Variants in NALF1 observed in about 807,000 individuals in gnomAD.
NALF1 encodes NALCN channel auxiliary factor 1.
Under a neutral mutation model 48.4 loss-of-function variants are expected in NALF1, and 3 were observed. The observed-to-expected ratio is 0.06, with a 90% CI of 0.03 to 0.16. The LOEUF (loss-of-function observed/expected upper bound fraction) is 0.16, where lower values mean the gene tolerates loss of function less well. NALF1 is among the 10% of genes least tolerant of loss of function. The pLI is 1.00. For missense variants in NALF1, 526 were observed against 571.5 expected, an observed-to-expected ratio of 0.92 and a Z score of 0.81; for synonymous variants, 262 against 245.7, an observed-to-expected ratio of 1.07 and a Z score of -0.62.
At chr13:107,517,019 T>C (rs1876075534) in intron 1 of NALF1, among the ~76,000 whole-genome samples, 1 of 152,196 alleles carries the variant, frequency 6.6e-6, no homozygotes, top group Non-Finnish European at 1.5e-5. Context: ...GGAAATGCAT[T>C]CATTTACGTG....
At chr13:107,361,481 GA>G (rs1187841748) in intron 1 of NALF1, among the ~76,000 whole-genome samples, 3 of 151,462 alleles carry the variant, frequency 2.0e-5, no homozygotes, top group East Asian at 1.9e-4. Context: ...GACTGTAGGG[GA>G]AAAAAAAGAT....
intron 1 of NALF1, among the ~76,000 whole-genome samples, chr13:107,428,263 G>A (rs758910982): frequency 6.6e-6 from 1 of 152,134 alleles, no homozygotes; most frequent in Admixed American, 6.5e-5. Context: ...CCATTTTAGA[G>A]ATAATAAAAC....
chr13:107,251,834 G>A (rs1880706737), intron 1 of NALF1, among the ~76,000 whole-genome samples: 1 of 152,218 alleles, frequency 6.6e-6, no homozygotes, highest in Non-Finnish European at 1.5e-5. Context: ...AGCTTGGAAT[G>A]TGGAGATTTT....
At position 107,283,617 on chromosome 13, in the gene NALF1, ATTATTTATTTATTTATTTATTTAT is replaced by A. The variant is rs71121515; in HGVS notation, c.916-72886_916-72863del. ...TCTGGATGAAGCAGAGCGGATCTTC[ATTATTTATTTATTTATTTATTTAT>A]TTATTTATTTATTTATTTACTATTT... is the stretch of plus-strand genomic sequence containing the variant. On this transcript the variant is annotated intron_variant, in intron 1 of 2. Transcript: ENST00000375915. 3.0e-4 allele frequency among the ~76,000 whole-genome samples: 43 copies of A among 145,560 alleles called. No individual in the cohort carries two copies. In the East Asian group the frequency reaches 7.9e-3, roughly 27 times the overall value.
chr13:107,386,934 T>C (rs919026264), intron 1 of NALF1, among the ~76,000 whole-genome samples: 8 of 152,160 alleles, frequency 5.3e-5, no homozygotes, highest in African/African-American at 1.4e-4. Context: ...CATCTAGCAG[T>C]TGGCATGCCA....
At chr13:107,651,900 C>T (rs1880458403) in intron 1 of NALF1, among the ~76,000 whole-genome samples, 1 of 152,192 alleles carries the variant, frequency 6.6e-6, no homozygotes, top group African/African-American at 2.4e-5. Context: ...TCAACCAGGA[C>T]TCTAGAGACT....
intron 1 of NALF1, among the ~76,000 whole-genome samples, chr13:107,353,584 C>A (rs1170852690): frequency 1.3e-5 from 2 of 152,150 alleles, no homozygotes; most frequent in African/African-American, 4.8e-5. Context: ...GTTCATAATT[C>A]AGAATTCAGA....
intron 1 of NALF1, among the ~76,000 whole-genome samples, chr13:107,864,688 G>A (rs113537309): frequency 1.3e-5 from 2 of 152,208 alleles, no homozygotes; most frequent in African/African-American, 4.8e-5. Flanking sequence ...GGTCACTGCA[G>A]TATCTTCATC....
chr13:107,246,959 A>T (rs1880598524), intron 1 of NALF1, among the ~76,000 whole-genome samples: 1 of 152,176 alleles, frequency 6.6e-6, no homozygotes, highest in African/African-American at 2.4e-5. Flanking sequence ...CCATTGGAGT[A>T]CTTTTATTTG....
intron 1 of NALF1, among the ~76,000 whole-genome samples, chr13:107,279,424 T>G (rs1273920036): frequency 1.4e-4 from 22 of 152,076 alleles, no homozygotes; most frequent in Non-Finnish European, 1.5e-5. Context: ...CCTGGCTAAT[T>G]TTTGTATTTT....
At chr13:107,192,341 G>A (rs1879300654) in intron 2 of NALF1, among the ~76,000 whole-genome samples, 1 of 152,160 alleles carries the variant, frequency 6.6e-6, no homozygotes, top group South Asian at 2.1e-4. Context: ...GTCCAGCTGA[G>A]TGTGTCTGGG....
At position 107,535,435 on chromosome 13, in the gene NALF1, GACAA is replaced by G. The variant is rs201597417; in HGVS notation, c.916-324684_916-324681del. Among the ~76,000 whole-genome samples, 762 of 152,056 alleles carry G rather than the reference GACAA, an allele frequency of 5.0e-3. 6 individuals are homozygous for G. The highest frequency in any genetic ancestry group is 0.017 in the African/African-American group (702 of 41,458). On this transcript the variant is annotated intron_variant, in intron 1 of 2. Coordinates refer to ENST00000375915, the MANE Select transcript of NALF1 (RefSeq NM_001080396.3). ...AAGGCCTTCTTATACACCAATAACA[GACAA>G]ACAGAGAGCCAAATCATGAGTGAAC...
In NALF1 at chr13:107,263,362, A is replaced by G. The variant is rs116578145; in HGVS notation, c.916-52607T>C. On this transcript the variant is annotated intron_variant, in intron 1 of 2. Coordinates refer to ENST00000375915, the MANE Select transcript of NALF1 (RefSeq NM_001080396.3). ...CTTGATTATTACAGAAAGCATTTTG[A>G]TTCACTGAAGTTTCTGAGCATGCAG... Among the ~76,000 whole-genome samples the G allele has an allele frequency of 8.0e-3, 1,210 of 151,924 alleles. 11 individuals carry two copies. Among genetic ancestry groups the G allele is most frequent in the African/African-American group, 0.028 (1,140 of 41,418 alleles).
chr13:107,575,182 T>C (rs933326820), intron 1 of NALF1, among the ~76,000 whole-genome samples: 2 of 151,854 alleles, frequency 1.3e-5, no homozygotes, highest in African/African-American at 4.8e-5. Context: ...CATTTGGTAA[T>C]AGAAGAGAGC....
chr13:107,611,389 T>G (rs1879220560), intron 1 of NALF1, among the ~76,000 whole-genome samples: 1 of 152,222 alleles, frequency 6.6e-6, no homozygotes. Context: ...AAGAGAGATG[T>G]GCACATTCAT....
At chr13:107,828,600 TATCTATACACACACAC>T (rs1566498065) in intron 1 of NALF1, among the ~76,000 whole-genome samples, 294 of 103,622 alleles carry the variant, frequency 2.8e-3, no homozygotes, top group South Asian at 3.6e-3. Flanking sequence ...TCTATATCTA[TATCTATACACACACAC>T]ACACACACAC....
Position 107,865,801 on chromosome 13 carries a change from C to G in NALF1, c.796G>C (p.Glu266Gln). 6.2e-7 allele frequency: 1 copy of G among 1,614,128 alleles called. No individual in the cohort carries two copies. Among genetic ancestry groups the G allele is most frequent in the Non-Finnish European group, 8.5e-7 (1 of 1,180,036 alleles). ...GEMTTCRQCV[E>Q]AYQDYDHHAQ... ...TGGTGGTCATAGTCCTGGTAAGCCT[C>G]GACGCACTGCCTGCAAGTGGTCATC... The change falls in exon 1 of 3, where the codon GAG becomes CAG. Residue 266 changes from glutamate to glutamine, a missense_variant. Transcript: ENST00000375915.
chr13:107,458,326 G>C (rs529347179), intron 1 of NALF1, among the ~76,000 whole-genome samples: 60 of 152,188 alleles, frequency 3.9e-4, no homozygotes, highest in Non-Finnish European at 7.1e-4. Context: ...AGCTCTGGCA[G>C]AGATAATGGG....
chr13:107,414,083 T>G (rs1209347813), intron 1 of NALF1, among the ~76,000 whole-genome samples: 5 of 152,208 alleles, frequency 3.3e-5, no homozygotes, highest in Admixed American at 6.5e-5. Flanking sequence ...CGTGAGCCAC[T>G]GCACCAGGCC....
Sources: gnomAD v4.1 joint callset for allele counts (sites outside exome capture counted in the v4.1 genomes callset) on GRCh38, gnomAD v4.1.1 for gene constraint, MANE v1.5 for transcripts, NCBI Gene and HGNC (gene_info 2026-07-23, HGNC 2026-07-21) for gene names.